The following PCDHGB5 variants were observed in gnomAD, a reference collection of about 807,000 sequenced individuals.
PCDHGB5 encodes the protein protocadherin gamma-B5.
PCDHGB5 carries 48 observed loss-of-function variants against 62.9 expected under a neutral mutation model. That is an observed-to-expected ratio of 0.76 (90% confidence interval 0.61 to 0.97). The LOEUF (loss-of-function observed/expected upper bound fraction) is 0.97. Ranked by LOEUF, PCDHGB5 falls within the 50% of genes least tolerant of loss-of-function variation. PCDHGB5 has a pLI of 0.00. For missense variants in PCDHGB5, 1,118 were observed against 1,198.6 expected (o/e 0.93, Z 0.99); for synonymous variants, 474 against 511.2 (o/e 0.93, Z 0.98).
chr5:141,410,186 C>G, intron 1 of PCDHGB5: 1 of 1,613,940 alleles, frequency 6.2e-7, no homozygotes, highest in Non-Finnish European at 8.5e-7. Flanking sequence ...CACGCTTCAT[C>G]TGGTCTTCGC....
intron 1 of PCDHGB5, chr5:141,409,819 G>A (rs781534809): frequency 1.2e-6 from 2 of 1,610,356 alleles, no homozygotes; most frequent in African/African-American, 2.7e-5. Context: ...ACCACGGCTC[G>A]CCCACGCTCA....
chr5:141,462,774 A>G (rs890366708), intron 1 of PCDHGB5, among the ~76,000 whole-genome samples: 1 of 152,126 alleles, frequency 6.6e-6, no homozygotes, highest in Admixed American at 6.6e-5. Context: ...GCTTGGGGTC[A>G]TAATTTGTTG....
chr5:141,503,400 A>C (rs2099819725), intron 2 of PCDHGB5, among the ~76,000 whole-genome samples: 1 of 151,750 alleles, frequency 6.6e-6, no homozygotes, highest in Non-Finnish European at 1.5e-5. Context: ...TTCGAAACCA[A>C]CCTGGCCAAT....
At chr5:141,409,745 T>C (rs968473065) in intron 1 of PCDHGB5, 8 of 1,613,074 alleles carry the variant, frequency 5.0e-6, no homozygotes, top group Non-Finnish European at 6.8e-6. Context: ...CGGGGTGGTG[T>C]TCGCGCAGCG....
intron 1 of PCDHGB5, 58 bp from the exon 2 acceptor site, chr5:141,494,749 G>A (rs573811540): frequency 2.9e-5 from 47 of 1,612,698 alleles, no homozygotes; most frequent in Non-Finnish European, 3.6e-5. Flanking sequence ...CTAGGGGCTC[G>A]GGTGACATTC....
chr5:141,495,642 C>T (rs1294293252), intron 2 of PCDHGB5, among the ~76,000 whole-genome samples: 1 of 152,208 alleles, frequency 6.6e-6, no homozygotes. Flanking sequence ...TTTCATTTGT[C>T]TACTTGCATT....
At chr5:141,482,048 G>T (rs375214441) in intron 1 of PCDHGB5, among the ~76,000 whole-genome samples, 12 of 150,156 alleles carry the variant, frequency 8.0e-5, no homozygotes, top group Middle Eastern at 6.9e-3. Flanking sequence ...TCATGCTGTT[G>T]CATTCCAGCC....
chr5:141,459,581 G>A (rs945690319), intron 1 of PCDHGB5, among the ~76,000 whole-genome samples: 1 of 152,138 alleles, frequency 6.6e-6, no homozygotes, highest in Non-Finnish European at 1.5e-5. Flanking sequence ...AATTGTTTTG[G>A]GGGTCATATG....
At chr5:141,415,638 T>G in intron 1 of PCDHGB5, 1 of 1,598,954 alleles carries the variant, frequency 6.3e-7, no homozygotes, top group Non-Finnish European at 8.5e-7. Flanking sequence ...TTTTTACTTT[T>G]GTTAAAAAAA....
At chr5:141,422,705 C>A in intron 1 of PCDHGB5, 1 of 1,602,702 alleles carries the variant, frequency 6.2e-7, no homozygotes, top group East Asian at 2.2e-5. Flanking sequence ...TACTCTCTGA[C>A]GGATGACACT....
In PCDHGB5 at chr5:141,404,391, A is replaced by T. The variant is rs773558298; in HGVS notation, c.2397+3867A>T. On this transcript the variant is annotated intron_variant, in intron 1 of 3. Transcript: ENST00000617380. ...TTCTCCGTGATTGCCTATGACCCTG[A>T]TAGCAATGAGAATTCTAGAGTTATT... 3.7e-6 allele frequency: 6 copies of T among 1,613,806 alleles called. No homozygotes were observed. Among genetic ancestry groups the T allele is most frequent in the Non-Finnish European group, 5.1e-6 (6 of 1,179,894 alleles).
chr5:141,457,972 A>AC (rs1198043621), intron 1 of PCDHGB5, among the ~76,000 whole-genome samples: 4 of 152,218 alleles, frequency 2.6e-5, no homozygotes, highest in African/African-American at 9.6e-5. Flanking sequence ...TTAAAGGGAA[A>AC]CACACCCTTT....
In PCDHGB5 at chr5:141,414,978, C is replaced by T. The variant is rs757917979; in HGVS notation, c.2397+14454C>T. On this transcript the variant is annotated intron_variant, in intron 1 of 3. Coordinates refer to ENST00000617380, the MANE Select transcript of PCDHGB5 (RefSeq NM_018925.3). The stretch of plus-strand genomic sequence containing the variant: ...CCAAGGTGGTGGCGGTGGACAGAGA[C>T]TCCGGCCAGAACGCCTGGCTGTCCT... 8 of 1,613,878 alleles carry T rather than the reference C, an allele frequency of 5.0e-6. No individual in the cohort carries two copies. The South Asian group carries it at 8.8e-5, about 18-fold the overall frequency.
Position 141,490,526 on chromosome 5 carries a change from C to T in PCDHGB5, c.2398-4281C>T, listed in dbSNP as rs1270447529. 6.2e-7 allele frequency: 1 copy of T among 1,614,116 alleles called. No homozygotes were observed. Among genetic ancestry groups the T allele is most frequent in the Non-Finnish European group, 8.5e-7 (1 of 1,180,008 alleles). ...ATCATCGAGCTGCTGGCCAGCGATGCTGGTTCACCTTCCCTACACAAACAT... is the reference window on the plus strand; with the variant it reads ...ATCATCGAGCTGCTGGCCAGCGATGTTGGTTCACCTTCCCTACACAAACAT... On this transcript the variant is annotated intron_variant, in intron 1 of 3. Coordinates refer to ENST00000617380, the MANE Select transcript of PCDHGB5 (RefSeq NM_018925.3). The surrounding 1 kb of genome is among the most constrained non-coding windows in gnomAD (Gnocchi z 5.4).
At position 141,485,566 on chromosome 5, in the gene PCDHGB5, C is replaced by T. The variant is rs768144422; in HGVS notation, c.2398-9241C>T. The T allele has an allele frequency of 6.2e-7, 1 of 1,612,926 alleles. No homozygotes were observed. Among genetic ancestry groups the T allele is most frequent in the African/African-American group, 1.3e-5 (1 of 75,016 alleles). ...TCGTAGATGTGAATGATCACGCCCC[C>T]CGTTTTCCGCGGCAGCAGCTGGACT... On this transcript the variant is annotated intron_variant, in intron 1 of 3. Transcript: ENST00000617380. The surrounding 1 kb of genome is among the most constrained non-coding windows in gnomAD (Gnocchi z 5.7).
intron 1 of PCDHGB5, among the ~76,000 whole-genome samples, chr5:141,406,473 T>A (rs2094813817): frequency 6.6e-6 from 1 of 152,248 alleles, no homozygotes; most frequent in African/African-American, 2.4e-5. Context: ...CTCTTTGAGG[T>A]TATATTTTTC....
Position 141,490,563 on chromosome 5 carries a change from G to C in PCDHGB5, c.2398-4244G>C. On this transcript the variant is annotated intron_variant, in intron 1 of 3. Coordinates refer to ENST00000617380, the MANE Select transcript of PCDHGB5 (RefSeq NM_018925.3). This position sits in a 1 kb window ranked among gnomAD's most constrained non-coding sequence, Gnocchi z 5.4. ...CCCTACACAAACATCTCACCATCAG[G>C]CTCAACATTTCAGATGTCAATGACA... 1 of 1,614,022 alleles carries C rather than the reference G, an allele frequency of 6.2e-7. No individual in the cohort carries two copies. Among genetic ancestry groups the C allele is most frequent in the Non-Finnish European group, 8.5e-7 (1 of 1,180,008 alleles).
chr5:141,473,784 G>A (rs1457988232), intron 1 of PCDHGB5, among the ~76,000 whole-genome samples: 1 of 152,226 alleles, frequency 6.6e-6, no homozygotes, highest in Non-Finnish European at 1.5e-5. Flanking sequence ...TTTAATTCAA[G>A]AGCAGTATGA....
intron 1 of PCDHGB5, chr5:141,403,713 A>G (rs2094445702): frequency 2.5e-6 from 4 of 1,613,946 alleles, no homozygotes; most frequent in Non-Finnish European, 2.5e-6. Flanking sequence ...GTCCTTGAGA[A>G]CGTGCCCCCA....
Sources: allele counts gnomAD v4.1 joint callset (sites outside exome capture counted in the v4.1 genomes callset), GRCh38; gene constraint gnomAD v4.1.1; non-coding constraint Gnocchi (gnomAD v3.1); transcripts MANE v1.5; gene names NCBI Gene and HGNC (gene_info 2026-07-23, HGNC 2026-07-21).